Variants in UGT1A10 observed in about 807,000 individuals in gnomAD.
UGT1A10 encodes the protein UDP glucuronosyltransferase family 1 member A10, also known as UDP-glucuronosyltransferase 1A10.
In UGT1A10, 49 loss-of-function variants were observed where a neutral mutation model predicts 45.8. The observed-to-expected ratio is 1.07, with a 90% CI of 0.85 to 1.36. The LOEUF (loss-of-function observed/expected upper bound fraction) is 1.36. Among genes scored for constraint, UGT1A10 ranks in the 40% most tolerant of loss-of-function variants. The probability of loss-of-function intolerance (pLI) is 0.00; values close to 1 mark genes in which losing one functional copy is unlikely to be tolerated. For missense variants in UGT1A10, 745 were observed against 668.6 expected, an observed-to-expected ratio of 1.11 and a Z score of -1.26; for synonymous variants, 284 against 249.7, an observed-to-expected ratio of 1.14 and a Z score of -1.29.
At chr2:233,751,587 G>A (rs1303617779) in intron 1 of UGT1A10, among the ~76,000 whole-genome samples, 5 of 152,220 alleles carry the variant, frequency 3.3e-5, no homozygotes, top group African/African-American at 1.2e-4. Flanking sequence ...ATTCCCATGT[G>A]TTAAGGATGG....
chr2:233,769,616 G>A lies in UGT1A10; in HGVS notation c.1295+1177G>A, dbSNP rs2126047271. The stretch of plus-strand genomic sequence containing the variant: ...ACGGAACACGGGGACACACCAGCTT[G>A]AGCAAGGGACAACAGGGGAGGACTG... On this transcript the variant is annotated intron_variant, in intron 4 of 4. Transcript: ENST00000344644. This position sits in a 1 kb window ranked among gnomAD's most constrained non-coding sequence, Gnocchi z 4.4. The A allele has an allele frequency of 1.9e-6, 3 of 1,612,698 alleles. No individual in the cohort carries two copies. Among genetic ancestry groups the A allele is most frequent in the East Asian group, 4.5e-5 (2 of 44,884 alleles).
At chr2:233,679,002 G>A (rs1421713057) in intron 1 of UGT1A10, among the ~76,000 whole-genome samples, 1 of 152,164 alleles carries the variant, frequency 6.6e-6, no homozygotes, top group Non-Finnish European at 1.5e-5. Flanking sequence ...AATAACAGTG[G>A]CATCTTCAGT....
intron 1 of UGT1A10, among the ~76,000 whole-genome samples, chr2:233,702,032 C>A (rs2075666717): frequency 6.6e-6 from 1 of 151,958 alleles, no homozygotes; most frequent in Non-Finnish European, 1.5e-5. Context: ...CAAAAAAAAA[C>A]CCTTCAAAAA....
intron 1 of UGT1A10, chr2:233,672,251 A>T: frequency 6.2e-7 from 1 of 1,614,166 alleles, no homozygotes; most frequent in Non-Finnish European, 8.5e-7. Context: ...CGAAGTATAT[A>T]TTCTCTATTA....
intron 1 of UGT1A10, among the ~76,000 whole-genome samples, chr2:233,708,160 C>T (rs999890937): frequency 3.3e-5 from 5 of 152,062 alleles, no homozygotes; most frequent in African/African-American, 7.2e-5. Flanking sequence ...GGGGAGTTGC[C>T]GGAAAATGGA....
intron 1 of UGT1A10, among the ~76,000 whole-genome samples, chr2:233,745,064 T>C (rs1693002453): frequency 6.6e-6 from 1 of 151,912 alleles, no homozygotes; most frequent in Non-Finnish European, 1.5e-5. Flanking sequence ...TTTGTATTAT[T>C]TGTATTGTTT....
intron 1 of UGT1A10, chr2:233,719,281 T>A (rs773168968): frequency 6.2e-7 from 1 of 1,614,134 alleles, no homozygotes; most frequent in Admixed American, 1.7e-5. Flanking sequence ...ACAGACCCCG[T>A]TAACCTCTGT....
chr2:233,765,728 A>C (rs1698929525), intron 1 of UGT1A10, among the ~76,000 whole-genome samples: 1 of 151,098 alleles, frequency 6.6e-6, no homozygotes, highest in Admixed American at 6.6e-5. Flanking sequence ...TAATAATAAT[A>C]ATAAATAAAC....
intron 3 of UGT1A10, 107 bp from the exon 4 acceptor site, chr2:233,768,113 G>A (rs1271698331): frequency 1.3e-6 from 2 of 1,597,544 alleles, no homozygotes; most frequent in African/African-American, 2.7e-5. Context: ...TTTCTGCAAG[G>A]GCATGTGAGT....
chr2:233,664,864 C>A (rs903921767), intron 1 of UGT1A10, among the ~76,000 whole-genome samples: 2 of 152,088 alleles, frequency 1.3e-5, no homozygotes, highest in Non-Finnish European at 2.9e-5. Context: ...TTCATGAATC[C>A]TTTTGTGCCA....
intron 3 of UGT1A10, 80 bp from the exon 4 acceptor site, chr2:233,768,140 A>G (rs573022476): frequency 9.8e-5 from 158 of 1,609,884 alleles, no homozygotes; most frequent in Non-Finnish European, 1.2e-4. Context: ...GAGTCTTTGG[A>G]GTGTTTTCAG....
chr2:233,757,065 T>C (rs1273460805), intron 1 of UGT1A10, among the ~76,000 whole-genome samples: 1 of 151,244 alleles, frequency 6.6e-6, no homozygotes, highest in Non-Finnish European at 1.5e-5. Flanking sequence ...CAGCAAGGGA[T>C]CCAGAATGGC....
At chr2:233,638,131 C>T (rs2073351104) in intron 1 of UGT1A10, among the ~76,000 whole-genome samples, 1 of 152,160 alleles carries the variant, frequency 6.6e-6, no homozygotes, top group Admixed American at 6.5e-5. Flanking sequence ...ATTGAGAAGA[C>T]TGGCATCTTT....
intron 1 of UGT1A10, chr2:233,672,362 A>T (rs1375188515): frequency 6.2e-7 from 1 of 1,614,012 alleles, no homozygotes; most frequent in African/African-American, 1.3e-5. Context: ...AGTTCTTTTG[A>T]TGCAGTGTTT....
intron 1 of UGT1A10, chr2:233,754,890 C>T (rs1695628658): frequency 1.5e-6 from 2 of 1,351,546 alleles, no homozygotes; most frequent in Non-Finnish European, 2.0e-6. Context: ...CAGGGAGTTC[C>T]TCTGACCCCC....
At chr2:233,712,295 G>A (rs1199448507) in intron 1 of UGT1A10, among the ~76,000 whole-genome samples, 2 of 152,246 alleles carry the variant, frequency 1.3e-5, no homozygotes, top group Non-Finnish European at 2.9e-5. Flanking sequence ...CTTCCATGGT[G>A]TAGATGGAGA....
intron 1 of UGT1A10, among the ~76,000 whole-genome samples, chr2:233,722,586 G>A (rs1347129726): frequency 6.6e-6 from 1 of 152,110 alleles, no homozygotes; most frequent in Non-Finnish European, 1.5e-5. Flanking sequence ...CTTCGTTAGA[G>A]GACTATTACA....
chr2:233,638,323 T>C (rs530877051), intron 1 of UGT1A10, among the ~76,000 whole-genome samples: 1 of 152,334 alleles, frequency 6.6e-6, no homozygotes, highest in South Asian at 2.1e-4. Context: ...CATTTCTACA[T>C]TTAACTGATT....
rs28898588 is a variant in UGT1A10, at chr2:233,707,117, T to G, written c.856-59917T>G. On this transcript the variant is annotated intron_variant, in intron 1 of 4. Transcript: ENST00000344644. ...CAGCTGAGGGACCCCCAAAATACTC[T>G]GCATTAGGCTTTCTATCCCGGAGGT... 8.8e-3 allele frequency among the ~76,000 whole-genome samples: 1,342 copies of G among 152,244 alleles called. 24 individuals are homozygous for G. The highest frequency in any genetic ancestry group is 0.031 in the African/African-American group (1,274 of 41,546).
Sources: allele counts gnomAD v4.1 joint callset (sites outside exome capture counted in the v4.1 genomes callset), GRCh38; gene constraint gnomAD v4.1.1; non-coding constraint Gnocchi (gnomAD v3.1); transcripts MANE v1.5; gene names NCBI Gene and HGNC (gene_info 2026-07-23, HGNC 2026-07-21).